The following SERGEF variants were observed in gnomAD, a reference collection of about 807,000 sequenced individuals.
The protein encoded by SERGEF is secretion regulating guanine nucleotide exchange factor, also known as secretion-regulating guanine nucleotide exchange factor.
Under a neutral mutation model 50.0 loss-of-function variants are expected in SERGEF, and 51 were observed. That is an observed-to-expected ratio of 1.02 (90% CI 0.81 to 1.29). The LOEUF (loss-of-function observed/expected upper bound fraction) is 1.29. SERGEF is among the 50% of genes most tolerant of loss of function. The pLI is 0.00. For synonymous variants in SERGEF, 205 were observed against 212.4 expected (o/e 0.97, Z 0.30); for missense variants, 521 against 557.0 (o/e 0.94, Z 0.65).
chr11:17,898,919 G>T (rs1375018339), intron 9 of SERGEF, among the ~76,000 whole-genome samples: 2 of 152,170 alleles, frequency 1.3e-5, no homozygotes, highest in Non-Finnish European at 2.9e-5. Context: ...CTTCATGAAT[G>T]ATTTAGCACC....
At chr11:17,936,716 G>C (rs1027188239) in intron 9 of SERGEF, among the ~76,000 whole-genome samples, 6 of 152,154 alleles carry the variant, frequency 3.9e-5, no homozygotes, top group Admixed American at 2.6e-4. Context: ...CATTCATTAG[G>C]GTTAAGGATG....
intron 8 of SERGEF, among the ~76,000 whole-genome samples, chr11:17,979,998 A>G (rs746908159): frequency 3.3e-5 from 5 of 152,154 alleles, no homozygotes; most frequent in Non-Finnish European, 5.9e-5. Context: ...AGACCCTGTC[A>G]CTCAACTTCT....
intron 10 of SERGEF, chr11:17,863,812 T>C (rs1308197013): frequency 1.3e-5 from 2 of 152,246 alleles, no homozygotes; most frequent in Non-Finnish European, 2.9e-5. Flanking sequence ...AAATATTGCA[T>C]ATAATGTTCA....
chr11:18,006,101 A>T (rs975738480), intron 3 of SERGEF, among the ~76,000 whole-genome samples: 1 of 152,222 alleles, frequency 6.6e-6, no homozygotes, highest in Non-Finnish European at 1.5e-5. Flanking sequence ...CTCTCCTTAG[A>T]AAAGGTAGTC....
At chr11:17,885,256 C>T (rs535556816) in intron 9 of SERGEF, among the ~76,000 whole-genome samples, 2 of 152,278 alleles carry the variant, frequency 1.3e-5, no homozygotes, top group African/African-American at 4.8e-5. Flanking sequence ...TAGTCCTTTT[C>T]GCCTCAGCCT....
chr11:17,907,067 T>G (rs987247496), intron 9 of SERGEF, among the ~76,000 whole-genome samples: 1 of 151,328 alleles, frequency 6.6e-6, no homozygotes, highest in Non-Finnish European at 1.5e-5. Context: ...CTATTTCCAG[T>G]GTCTTGGGGA....
intron 9 of SERGEF, among the ~76,000 whole-genome samples, chr11:17,891,384 C>T (rs186426185): frequency 1.3e-5 from 2 of 152,226 alleles, no homozygotes; most frequent in African/African-American, 4.8e-5. Flanking sequence ...CATTTTTGCC[C>T]ACAAAAATGA....
intron 10 of SERGEF, among the ~76,000 whole-genome samples, chr11:17,850,681 C>T (rs1850694834): frequency 6.6e-6 from 1 of 152,194 alleles, no homozygotes; most frequent in African/African-American, 2.4e-5. Context: ...AATCCATTAA[C>T]CAAAATACTG....
rs1286160508 is a variant in SERGEF, at chr11:17,830,687, A to AGAGC, written c.1049-42275_1049-42274insGCTC. ...GAGAGAGAGAGAGAGAGAGAGAGAG[A>AGAGC]GCACATGTACATGCAAGAGTAAGTC... On this transcript the variant is annotated intron_variant, in intron 10 of 10. Coordinates refer to ENST00000265965, the MANE Select transcript of SERGEF (RefSeq NM_012139.4). Among the ~76,000 whole-genome samples the AGAGC allele has an allele frequency of 8.4e-5, 12 of 143,556 alleles. 1 individual carries two copies. In the East Asian group the frequency reaches 1.5e-3, roughly 18 times the overall value. 94.2% of individuals were successfully genotyped at this position (143,556 alleles called of 152,430 possible). A position where few individuals can be genotyped will look rare whatever the true frequency, so the allele number is the denominator to read the frequency against.
rs1258975486 is a variant in SERGEF at position 17,888,141 on chromosome 11, G to A, written c.1012-9897C>T. 2.6e-5 allele frequency among the ~76,000 whole-genome samples: 4 copies of A among 152,148 alleles called. No homozygotes were observed. Among genetic ancestry groups the A allele is most frequent in the African/African-American group, 4.8e-5 (2 of 41,430 alleles). On this transcript the variant is annotated intron_variant, in intron 9 of 10. Coordinates refer to ENST00000265965, the MANE Select transcript of SERGEF (RefSeq NM_012139.4). The surrounding 1 kb of genome is among the most constrained non-coding windows in gnomAD (Gnocchi z 4.1). ...ATCTGAGGTGGAACAGTTTCATCCCGAAACCATCCCATCCCCACCTCTTCC... is the reference window on the plus strand; with the variant it reads ...ATCTGAGGTGGAACAGTTTCATCCCAAAACCATCCCATCCCCACCTCTTCC...
chr11:17,875,645 C>A (rs1203469437), intron 10 of SERGEF, among the ~76,000 whole-genome samples: 7 of 152,222 alleles, frequency 4.6e-5, no homozygotes, highest in Non-Finnish European at 7.3e-5. Flanking sequence ...AAAGCAGATA[C>A]AACAAATATA....
intron 10 of SERGEF, among the ~76,000 whole-genome samples, chr11:17,805,702 T>C (rs1251403293): frequency 6.6e-6 from 1 of 152,188 alleles, no homozygotes; most frequent in African/African-American, 2.4e-5. Context: ...CTTCATGCAG[T>C]GGAAAGACCA....
At chr11:17,975,397 G>GA (rs972251128) in intron 8 of SERGEF, among the ~76,000 whole-genome samples, 3 of 152,260 alleles carry the variant, frequency 2.0e-5, no homozygotes, top group Non-Finnish European at 4.4e-5. Flanking sequence ...GGTATAAGGA[G>GA]AAGCCCCAGA....
Position 17,896,622 on chromosome 11 carries a change from AG to A in SERGEF, c.1012-18379del, listed in dbSNP as rs1565197892. 2.2e-4 allele frequency among the ~76,000 whole-genome samples: 2 copies of A among 8,930 alleles called. 1 individual carries two copies. Among genetic ancestry groups the A allele is most frequent in the Non-Finnish European group, 4.0e-4 (2 of 5,032 alleles). The allele number at this position is 8,930 out of a possible 152,430, so 5.9% of individuals were successfully genotyped here. On this transcript the variant is annotated intron_variant, in intron 9 of 10. Transcript: ENST00000265965. ...GGAAGGGGAAGGGAAGGGGAAGGGA[AG>A]GGGAAGGGGAAGGGAAGGGGAAGGG...
intron 9 of SERGEF, among the ~76,000 whole-genome samples, chr11:17,940,723 G>A (rs1314223960): frequency 6.6e-6 from 1 of 152,016 alleles, no homozygotes. Flanking sequence ...ACGGGGACAC[G>A]CCACCATGAC....
At chr11:17,958,711 C>T (rs952414341) in intron 9 of SERGEF, among the ~76,000 whole-genome samples, 1 of 152,102 alleles carries the variant, frequency 6.6e-6, no homozygotes, top group African/African-American at 2.4e-5. Flanking sequence ...CCAAGTAGTC[C>T]CCAAAATAGT....
intron 10 of SERGEF, among the ~76,000 whole-genome samples, chr11:17,843,486 T>C (rs920856016): frequency 6.6e-6 from 1 of 152,150 alleles, no homozygotes; most frequent in Admixed American, 6.5e-5. Flanking sequence ...TTAAATGACT[T>C]AGGAGAAATC....
chr11:17,962,298 T>C (rs1419284544), intron 8 of SERGEF, among the ~76,000 whole-genome samples: 1 of 151,886 alleles, frequency 6.6e-6, no homozygotes, highest in Non-Finnish European at 1.5e-5. Context: ...AGTGCTGAAA[T>C]AAAGGCATAA....
At chr11:17,936,127 G>T (rs1274405962) in intron 9 of SERGEF, among the ~76,000 whole-genome samples, 1 of 152,136 alleles carries the variant, frequency 6.6e-6, no homozygotes, top group African/African-American at 2.4e-5. Context: ...CAAGCAGAAT[G>T]TTAAAACTAT....
Sources: allele counts gnomAD v4.1 joint callset (sites outside exome capture counted in the v4.1 genomes callset), GRCh38; gene constraint gnomAD v4.1.1; non-coding constraint Gnocchi (gnomAD v3.1); transcripts MANE v1.5; gene names NCBI Gene and HGNC (gene_info 2026-07-23, HGNC 2026-07-21).